The following TENM3 variants were observed in gnomAD, a reference collection of about 807,000 sequenced individuals.
TENM3 encodes the protein teneurin transmembrane protein 3.
A neutral mutation model predicts 255.1 loss-of-function variants in TENM3; 63 were observed. The observed-to-expected ratio is 0.25, with a 90% CI of 0.20 to 0.30. TENM3 has a LOEUF of 0.30. TENM3 is among the 10% of genes least tolerant of loss of function. The pLI, the probability that TENM3 is intolerant of heterozygous loss-of-function variation, is 1.00. For synonymous variants in TENM3, 1,306 were observed against 1,322.3 expected (o/e 0.99, Z 0.27); for missense variants, 2,929 against 3,461.1 (o/e 0.85, Z 3.86).
At chr4:182,608,693 G>A (rs1219111953) in intron 4 of TENM3, among the ~76,000 whole-genome samples, 1 of 152,138 alleles carries the variant, frequency 6.6e-6, no homozygotes, top group Non-Finnish European at 1.5e-5. Context: ...CCGGGTTTGG[G>A]GGTGGCCGCT....
At position 182,714,154 on chromosome 4, in the gene TENM3, G is replaced by T. The variant is rs571918644; in HGVS notation, c.2289G>T (p.Val763=). 1 of 1,613,324 alleles carries T rather than the reference G, an allele frequency of 6.2e-7. No homozygotes were observed. The highest frequency in any genetic ancestry group is 8.5e-7 in the Non-Finnish European group (1 of 1,179,318). ...CTLDQNGWHC[V]CQPGWRGAGC... is the part of the protein sequence containing the mutation. ...TGGACCAAAATGGCTGGCATTGTGT[G>T]TGCCAGCCTGGATGGAGAGGAGCAG... Residue 763 remains valine, a synonymous_variant, in exon 13 of 28, where the codon GTG becomes GTT. Coordinates refer to ENST00000511685, the MANE Select transcript of TENM3 (RefSeq NM_001080477.4).
At chr4:181,819,111 C>T in the TENM3 span, among the ~76,000 whole-genome samples, 1 of 152,300 alleles carries the variant, frequency 6.6e-6, no homozygotes, top group East Asian at 1.9e-4. Flanking sequence ...CAATTACCTC[C>T]CTTCCTGGCT....
intron 5 of TENM3, among the ~76,000 whole-genome samples, chr4:182,634,845 A>G (rs1485174027): frequency 6.6e-6 from 1 of 152,100 alleles, no homozygotes; most frequent in East Asian, 1.9e-4. Context: ...TTCTTTGCTC[A>G]CAGAAAGCTC....
the TENM3 span, among the ~76,000 whole-genome samples, chr4:181,788,778 T>C: frequency 3.3e-5 from 5 of 152,276 alleles, no homozygotes; most frequent in African/African-American, 1.2e-4. Context: ...TTTAACTTTT[T>C]GTAGAAAGGA....
At chr4:181,884,784 A>T in the TENM3 span, among the ~76,000 whole-genome samples, 1 of 152,278 alleles carries the variant, frequency 6.6e-6, no homozygotes, top group South Asian at 2.1e-4. Flanking sequence ...CCTATCTCTT[A>T]AAAAGCCCTA....
At chr4:182,626,401 A>G (rs1311956222) in intron 4 of TENM3, among the ~76,000 whole-genome samples, 1 of 152,240 alleles carries the variant, frequency 6.6e-6, no homozygotes, top group East Asian at 1.9e-4. Context: ...GAGCAAAATA[A>G]TAAATAACTA....
At chr4:182,276,914 T>C (rs1760039667) in intron 1 of TENM3, among the ~76,000 whole-genome samples, 1 of 152,222 alleles carries the variant, frequency 6.6e-6, no homozygotes, top group South Asian at 2.1e-4. Context: ...CTCAGCTCAG[T>C]CCTGTAAACA....
chr4:181,558,058 T>G, the TENM3 span, among the ~76,000 whole-genome samples: 414 of 152,266 alleles, frequency 2.7e-3, 2 homozygotes, highest in African/African-American at 9.4e-3. Context: ...TCCAAAGCAG[T>G]TGGGAGATGT....
chr4:181,908,919 T>C, the TENM3 span, among the ~76,000 whole-genome samples: 2 of 152,192 alleles, frequency 1.3e-5, no homozygotes, highest in African/African-American at 4.8e-5. Context: ...AAGCGAGGTG[T>C]AGAGGTTTTT....
chr4:182,115,883 T>C, the TENM3 span, among the ~76,000 whole-genome samples: 19 of 152,312 alleles, frequency 1.2e-4, no homozygotes, highest in Admixed American at 1.0e-3. Flanking sequence ...AGTTACGTTT[T>C]TTAAAAATTA....
At chr4:182,504,816 A>T (rs1736655164) in intron 3 of TENM3, among the ~76,000 whole-genome samples, 1 of 152,206 alleles carries the variant, frequency 6.6e-6, no homozygotes, top group Admixed American at 6.5e-5. Flanking sequence ...TCAGTTATTC[A>T]TAGTCTTAGA....
intron 24 of TENM3, among the ~76,000 whole-genome samples, chr4:182,781,275 G>T (rs1004480301): frequency 2.0e-5 from 3 of 148,398 alleles, no homozygotes; most frequent in Non-Finnish European, 3.0e-5. Flanking sequence ...AAGGGTTGTT[G>T]AATTTTGTCA....
At chr4:181,587,012 C>T in the TENM3 span, among the ~76,000 whole-genome samples, 614 of 152,290 alleles carry the variant, frequency 4.0e-3, 7 homozygotes, top group African/African-American at 0.014. Context: ...TTCTTATCTG[C>T]ACTCACTAAA....
At chr4:182,149,973 T>C (rs1412486203) in intron 1 of TENM3, among the ~76,000 whole-genome samples, 1 of 152,072 alleles carries the variant, frequency 6.6e-6, no homozygotes, top group African/African-American at 2.4e-5. Context: ...GATATAAAAT[T>C]GTATCATTTA....
the TENM3 span, among the ~76,000 whole-genome samples, chr4:181,905,338 C>T: frequency 2.0e-5 from 3 of 152,150 alleles, no homozygotes; most frequent in Non-Finnish European, 4.4e-5. Flanking sequence ...GTGCCAGACA[C>T]ATAGTAGGTA....
intron 1 of TENM3, among the ~76,000 whole-genome samples, chr4:182,296,028 C>T (rs1580062293): frequency 6.6e-6 from 1 of 152,130 alleles, no homozygotes; most frequent in Non-Finnish European, 1.5e-5. Context: ...CTCAGCCCAC[C>T]TCAGCCTCCA....
intron 3 of TENM3, among the ~76,000 whole-genome samples, chr4:182,396,948 C>T (rs974244485): frequency 3.3e-5 from 5 of 151,308 alleles, no homozygotes; most frequent in South Asian, 2.1e-4. Context: ...GGTGACAGAG[C>T]GAGACTCTGT....
intron 25 of TENM3, among the ~76,000 whole-genome samples, chr4:182,791,043 C>T (rs1374424945): frequency 6.6e-6 from 1 of 152,206 alleles, no homozygotes; most frequent in Non-Finnish European, 1.5e-5. Flanking sequence ...CCAAAACTTA[C>T]TCATAGCAAA....
At chr4:181,549,057 T>C in the TENM3 span, among the ~76,000 whole-genome samples, 17,142 of 152,196 alleles carry the variant, frequency 0.11, 1,016 homozygotes, top group South Asian at 0.15. Context: ...ACATCCATGC[T>C]TCCAAAGAGT....
Sources: gnomAD v4.1 joint callset for allele counts (sites outside exome capture counted in the v4.1 genomes callset) on GRCh38, gnomAD v4.1.1 for gene constraint, MANE v1.5 for transcripts, NCBI Gene and HGNC (gene_info 2026-07-23, HGNC 2026-07-21) for gene names.